Variants in CTNNA3 observed in about 807,000 individuals in gnomAD.
The protein encoded by CTNNA3 is catenin alpha-3.
Under a neutral mutation model 95.7 loss-of-function variants are expected in CTNNA3, and 76 were observed. The ratio of observed to expected loss-of-function variants is 0.79; its 90% CI spans 0.66 to 0.96. The LOEUF is 0.96. Among genes scored for constraint, CTNNA3 ranks in the 40% least tolerant of loss-of-function variants. The pLI is 0.00. For missense variants in CTNNA3, 1,191 were observed against 1,089.8 expected, an observed-to-expected ratio of 1.09 and a Z score of -1.31; for synonymous variants, 431 against 374.4, an observed-to-expected ratio of 1.15 and a Z score of -1.74.
chr10:66,796,487 A>C (rs938682612), intron 7 of CTNNA3, among the ~76,000 whole-genome samples: 2 of 152,056 alleles, frequency 1.3e-5, no homozygotes, highest in Non-Finnish European at 2.9e-5. Context: ...ATCACAGACC[A>C]CTGTAACAGA....
At chr10:67,367,620 C>T (rs900046854) in intron 5 of CTNNA3, among the ~76,000 whole-genome samples, 29 of 152,284 alleles carry the variant, frequency 1.9e-4, no homozygotes, top group African/African-American at 7.0e-4. Flanking sequence ...ACACCCAGAT[C>T]TTCATCACAG....
At chr10:67,500,908 C>G (rs908099035) in intron 5 of CTNNA3, among the ~76,000 whole-genome samples, 7 of 152,278 alleles carry the variant, frequency 4.6e-5, no homozygotes, top group African/African-American at 1.7e-4. Flanking sequence ...TGGGTCTTGA[C>G]TCTTTATCCA....
At chr10:66,985,778 A>G (rs11597951) in intron 7 of CTNNA3, among the ~76,000 whole-genome samples, 2,109 of 152,248 alleles carry the variant, frequency 0.014, 20 homozygotes, top group Middle Eastern at 0.027. Context: ...ACCATGCTGG[A>G]GTGCAGTACC....
intron 7 of CTNNA3, among the ~76,000 whole-genome samples, chr10:67,095,451 T>TA (rs970735963): frequency 6.6e-6 from 1 of 151,832 alleles, no homozygotes; most frequent in African/African-American, 2.4e-5. Context: ...GTGGGATTTT[T>TA]AAAACAGATC....
At chr10:66,619,693 C>T (rs1030882467) in intron 10 of CTNNA3, among the ~76,000 whole-genome samples, 3 of 149,290 alleles carry the variant, frequency 2.0e-5, no homozygotes, top group African/African-American at 7.4e-5. Flanking sequence ...GCACATGTAC[C>T]CTAAAACTTA....
chr10:67,338,043 T>C (rs2132605112), intron 5 of CTNNA3, among the ~76,000 whole-genome samples: 1 of 152,330 alleles, frequency 6.6e-6, no homozygotes, highest in South Asian at 2.1e-4. Flanking sequence ...AGGAAAATAC[T>C]TGAAATGTAT....
intron 11 of CTNNA3, among the ~76,000 whole-genome samples, chr10:66,428,765 G>A (rs2093267497): frequency 6.6e-6 from 1 of 151,850 alleles, no homozygotes; most frequent in African/African-American, 2.4e-5. Flanking sequence ...TGTGTAGAGG[G>A]AAATTTATAG....
At chr10:67,302,034 AGAAAGAAAGAAAGAAAGAAAGAAAG>A (rs1840331249) in intron 5 of CTNNA3, among the ~76,000 whole-genome samples, 1 of 73,312 alleles carries the variant, frequency 1.4e-5, no homozygotes, top group African/African-American at 1.0e-4. Context: ...AAAGAAAGAA[AGAAAGAAAGAAAGAAAGAAAGAAAG>A]AAAGAAAGAA....
intron 10 of CTNNA3, among the ~76,000 whole-genome samples, chr10:66,558,748 GA>G (rs1842464603): frequency 6.6e-6 from 1 of 152,118 alleles, no homozygotes; most frequent in Admixed American, 6.5e-5. Flanking sequence ...GCAAGAGTCT[GA>G]AAAGGAGTTG....
chr10:66,514,647 C>T (rs1840775066), intron 11 of CTNNA3, among the ~76,000 whole-genome samples: 1 of 152,130 alleles, frequency 6.6e-6, no homozygotes, highest in African/African-American at 2.4e-5. Flanking sequence ...CTACCTTTTA[C>T]TCATTGTTCA....
intron 1 of CTNNA3, among the ~76,000 whole-genome samples, chr10:67,707,662 G>T (rs979168408): frequency 6.6e-6 from 1 of 152,156 alleles, no homozygotes; most frequent in East Asian, 1.9e-4. Flanking sequence ...TTAGTGTATG[G>T]CATATGCAAA....
intron 15 of CTNNA3, among the ~76,000 whole-genome samples, chr10:66,033,011 A>T (rs1349749412): frequency 6.6e-6 from 1 of 152,050 alleles, no homozygotes; most frequent in Admixed American, 6.6e-5. Context: ...CTTTTGTTTC[A>T]TTCTGATGCT....
At chr10:67,129,452 T>C (rs935205031) in intron 7 of CTNNA3, among the ~76,000 whole-genome samples, 1 of 152,158 alleles carries the variant, frequency 6.6e-6, no homozygotes, top group Non-Finnish European at 1.5e-5. Context: ...CTATAGCTTA[T>C]TAACCACAAA....
At chr10:66,207,224 A>G (rs2087820369) in intron 13 of CTNNA3, among the ~76,000 whole-genome samples, 1 of 151,794 alleles carries the variant, frequency 6.6e-6, no homozygotes, top group African/African-American at 2.4e-5. Context: ...ATATATAGAT[A>G]TACTTCTAAA....
intron 5 of CTNNA3, among the ~76,000 whole-genome samples, chr10:67,247,056 G>T (rs540770825): frequency 2.0e-5 from 3 of 152,218 alleles, no homozygotes; most frequent in African/African-American, 7.2e-5. Context: ...ATAATTAATA[G>T]TGAAAAACTG....
chr10:66,973,350 G>A (rs963191320), intron 7 of CTNNA3, among the ~76,000 whole-genome samples: 4 of 152,100 alleles, frequency 2.6e-5, no homozygotes, highest in African/African-American at 7.2e-5. Context: ...TTGATATGAC[G>A]CTAACATCAA....
At chr10:66,386,159 G>C (rs192481591) in intron 11 of CTNNA3, among the ~76,000 whole-genome samples, 2 of 152,226 alleles carry the variant, frequency 1.3e-5, no homozygotes, top group Admixed American at 6.5e-5. Flanking sequence ...CAAATTGTCT[G>C]TGTTTGCATA....
intron 9 of CTNNA3, among the ~76,000 whole-genome samples, chr10:66,701,379 T>C (rs1847936501): frequency 6.6e-6 from 1 of 152,188 alleles, no homozygotes; most frequent in African/African-American, 2.4e-5. Flanking sequence ...GTTTTTCAAT[T>C]ACTAGCCAAA....
At chr10:67,258,285 A>G (rs1353531922) in intron 5 of CTNNA3, among the ~76,000 whole-genome samples, 9 of 152,092 alleles carry the variant, frequency 5.9e-5, no homozygotes, top group Admixed American at 2.0e-4. Context: ...CTGGGACTAC[A>G]GGTGCACACC....
Sources: gnomAD v4.1 joint callset for allele counts (sites outside exome capture counted in the v4.1 genomes callset) on GRCh38, gnomAD v4.1.1 for gene constraint, MANE v1.5 for transcripts, NCBI Gene and HGNC (gene_info 2026-07-23, HGNC 2026-07-21) for gene names.